Variants in TNFSF4 observed in about 807,000 individuals in gnomAD.
TNFSF4 encodes the protein TNF superfamily member 4.
Under a neutral mutation model 7.3 loss-of-function variants are expected in TNFSF4, and 4 were observed. The observed-to-expected ratio is 0.55, with a 90% CI of 0.27 to 1.25. The LOEUF is 1.25. TNFSF4 is among the 50% of genes most tolerant of loss of function. The probability of loss-of-function intolerance (pLI) is 0.12; values close to 1 mark genes in which losing one functional copy is unlikely to be tolerated. For missense variants in TNFSF4, 181 were observed against 208.8 expected, an observed-to-expected ratio of 0.87 and a Z score of 0.82; for synonymous variants, 76 against 83.7, an observed-to-expected ratio of 0.91 and a Z score of 0.50.
chr1:173,438,358 C>G, the TNFSF4 span, among the ~76,000 whole-genome samples: 2 of 152,256 alleles, frequency 1.3e-5, no homozygotes, highest in South Asian at 2.1e-4. Context: ...ACACACTGCT[C>G]CAGGAAATTT....
chr1:173,300,326 G>C, the TNFSF4 span, among the ~76,000 whole-genome samples: 1 of 151,894 alleles, frequency 6.6e-6, no homozygotes, highest in Non-Finnish European at 1.5e-5. Flanking sequence ...ATGAGGAATA[G>C]GAGGAGAGAA....
At chr1:173,253,241 A>C in the TNFSF4 span, among the ~76,000 whole-genome samples, 1 of 152,156 alleles carries the variant, frequency 6.6e-6, no homozygotes. Context: ...CAACCACAAG[A>C]GCTCAGCTCT....
the TNFSF4 span, among the ~76,000 whole-genome samples, chr1:173,319,978 A>G: frequency 6.6e-6 from 1 of 152,190 alleles, no homozygotes; most frequent in Non-Finnish European, 1.5e-5. Context: ...CTCTCCATCA[A>G]GGGCACAAAA....
chr1:173,324,771 C>T, the TNFSF4 span, among the ~76,000 whole-genome samples: 1 of 152,074 alleles, frequency 6.6e-6, no homozygotes, highest in Non-Finnish European at 1.5e-5. Flanking sequence ...CAAAGAAGGC[C>T]ATTACATAAT....
At chr1:173,414,688 A>C in the TNFSF4 span, among the ~76,000 whole-genome samples, 1 of 152,250 alleles carries the variant, frequency 6.6e-6, no homozygotes, top group Non-Finnish European at 1.5e-5. Context: ...AGATGAAGCC[A>C]GTGTGACTGT....
Position 173,207,177 on chromosome 1 carries a change from C to A in TNFSF4, c.-1G>T. Reference sequence around the variant, plus strand: ...CTTCCAGGGGTTGGACCCTTTCCATCTTCACAATCTGGGTAGAGGGAAGAT... The same window carrying A: ...CTTCCAGGGGTTGGACCCTTTCCATATTCACAATCTGGGTAGAGGGAAGAT... On this transcript the variant is annotated 5_prime_UTR_variant, in exon 1 of 3. Transcript: ENST00000281834. The A allele has an allele frequency of 6.2e-7, 1 of 1,610,196 alleles. No homozygotes were observed. Among genetic ancestry groups the A allele is most frequent in the South Asian group, 1.1e-5 (1 of 90,804 alleles).
At chr1:173,404,810 T>C in the TNFSF4 span, among the ~76,000 whole-genome samples, 313 of 152,188 alleles carry the variant, frequency 2.1e-3, no homozygotes, top group Non-Finnish European at 3.5e-3. Context: ...TTTTGTATTT[T>C]TAGTAGAAAT....
chr1:173,432,055 A>G, the TNFSF4 span, among the ~76,000 whole-genome samples: 2 of 152,336 alleles, frequency 1.3e-5, no homozygotes, highest in East Asian at 3.9e-4. Context: ...CCTAATGGCT[A>G]AGACCTAAGA....
At chr1:173,322,028 A>T in the TNFSF4 span, among the ~76,000 whole-genome samples, 2 of 152,236 alleles carry the variant, frequency 1.3e-5, no homozygotes, top group African/African-American at 2.4e-5. Context: ...TGTTTATTGC[A>T]GCACTATTTA....
At chr1:173,290,785 C>A in the TNFSF4 span, among the ~76,000 whole-genome samples, 1 of 152,110 alleles carries the variant, frequency 6.6e-6, no homozygotes, top group South Asian at 2.1e-4. Flanking sequence ...ATACATTCTT[C>A]TAATCTGCAC....
At chr1:173,267,016 T>C in the TNFSF4 span, among the ~76,000 whole-genome samples, 24 of 152,220 alleles carry the variant, frequency 1.6e-4, no homozygotes, top group Admixed American at 3.3e-4. Flanking sequence ...GACAGTCTTA[T>C]ACTCATATGC....
the TNFSF4 span, among the ~76,000 whole-genome samples, chr1:173,433,231 T>C: frequency 2.0e-5 from 3 of 152,188 alleles, no homozygotes; most frequent in Non-Finnish European, 4.4e-5. Context: ...TTTTAGGCCA[T>C]CTAAAGTAGT....
the TNFSF4 span, among the ~76,000 whole-genome samples, chr1:173,377,371 C>G: frequency 6.6e-6 from 1 of 152,140 alleles, no homozygotes; most frequent in African/African-American, 2.4e-5. Flanking sequence ...TAACAACCCC[C>G]GAGCCAGATT....
chr1:173,207,287 C>T lies in TNFSF4; in HGVS notation c.-111G>A. ...TAAAGACAAAACAAAGCCTATCAAT[C>T]AGAAAATAGGCAAAGGTCCCAGGGC... On this transcript the variant is annotated 5_prime_UTR_variant, in exon 1 of 3. Transcript: ENST00000281834. 1 of 1,046,092 alleles carries T rather than the reference C, an allele frequency of 9.6e-7. No homozygotes were observed. Among genetic ancestry groups the T allele is most frequent in the South Asian group, 2.0e-5 (1 of 50,642 alleles). 64.8% of individuals were successfully genotyped at this position (1,046,092 alleles called of 1,614,324 possible). A position where few individuals can be genotyped will look rare whatever the true frequency, so the allele number is the denominator to read the frequency against.
chr1:173,378,640 T>C, the TNFSF4 span, among the ~76,000 whole-genome samples: 1 of 152,178 alleles, frequency 6.6e-6, no homozygotes, highest in Non-Finnish European at 1.5e-5. Context: ...TGATCTTTTC[T>C]GTAAGAGGGA....
chr1:173,206,541 C>T (rs1246560288), intron 1 of TNFSF4, among the ~76,000 whole-genome samples: 4 of 152,180 alleles, frequency 2.6e-5, no homozygotes, highest in Non-Finnish European at 4.4e-5. Flanking sequence ...GCACACATTG[C>T]TCCGCTATTA....
At chr1:173,358,082 T>A in the TNFSF4 span, among the ~76,000 whole-genome samples, 1 of 152,128 alleles carries the variant, frequency 6.6e-6, no homozygotes, top group Admixed American at 6.5e-5. Context: ...GTGGACCCAA[T>A]GTAATCACAA....
rs1313978057 is a variant in TNFSF4, at chr1:173,185,480, A to G, written c.*1036T>C. ...ATCATTATTTTTCATAAGGCACAAT[A>G]ACTTCTTAGTGCTATTTGACATCAG... On this transcript the variant is annotated 3_prime_UTR_variant, in exon 3 of 3. Coordinates refer to ENST00000281834, the MANE Select transcript of TNFSF4 (RefSeq NM_003326.5). 6.6e-6 allele frequency: 1 copy of G among 152,178 alleles called. No homozygotes were observed. Among genetic ancestry groups the G allele is most frequent in the Non-Finnish European group, 1.5e-5 (1 of 68,020 alleles). The allele number at this position is 152,178 out of a possible 1,614,324, so 9.4% of individuals were successfully genotyped here. A position where few individuals can be genotyped will look rare whatever the true frequency, so the allele number is the denominator to read the frequency against.
At chr1:173,191,464 C>G (rs1156804689) in intron 1 of TNFSF4, among the ~76,000 whole-genome samples, 1 of 152,222 alleles carries the variant, frequency 6.6e-6, no homozygotes, top group Non-Finnish European at 1.5e-5. Context: ...TCCCCCTCAT[C>G]CTCCATACCT....
Sources: allele counts gnomAD v4.1 joint callset (sites outside exome capture counted in the v4.1 genomes callset), GRCh38; gene constraint gnomAD v4.1.1; transcripts MANE v1.5; gene names NCBI Gene and HGNC (gene_info 2026-07-23, HGNC 2026-07-21).